Variants in CCDC93 observed in about 807,000 individuals in gnomAD.
CCDC93 encodes the protein CCC complex scaffolding subunit CCDC93, also known as coiled-coil domain-containing protein 93.
A neutral mutation model predicts 108.2 loss-of-function variants in CCDC93; 61 were observed. That is an observed-to-expected ratio of 0.56 (90% CI 0.46 to 0.70). CCDC93 has a LOEUF of 0.70. Ranked by LOEUF, CCDC93 falls within the 30% of genes least tolerant of loss-of-function variation. CCDC93 has a pLI of 0.00. For missense variants in CCDC93, 685 were observed against 764.2 expected, an observed-to-expected ratio of 0.90 and a Z score of 1.22; for synonymous variants, 276 against 260.4, an observed-to-expected ratio of 1.06 and a Z score of -0.58.
chr2:117,946,993 G>A, intron 15 of CCDC93, 111 bp from the exon 16 acceptor site: 1 of 843,042 alleles, frequency 1.2e-6, no homozygotes, highest in Non-Finnish European at 2.0e-6. Context: ...GTTTATTCTG[G>A]GACGAAAAGC....
intron 14 of CCDC93, among the ~76,000 whole-genome samples, chr2:117,949,051 T>C (rs2104741034): frequency 6.6e-6 from 1 of 152,316 alleles, no homozygotes; most frequent in East Asian, 1.9e-4. Context: ...TATGAAGGTA[T>C]GACCATTTTG....
chr2:117,995,250 A>T, intron 6 of CCDC93, 196 bp downstream of exon 6: 1 of 586,306 alleles, frequency 1.7e-6, no homozygotes, highest in Non-Finnish European at 3.1e-6. Context: ...GTAGTGTGGC[A>T]GGTTCTCCCT....
intron 5 of CCDC93, 148 bp downstream of exon 5, chr2:117,996,116 C>T: frequency 1.9e-6 from 1 of 516,328 alleles, no homozygotes; most frequent in Non-Finnish European, 3.4e-6. Context: ...GAGCTTTGCA[C>T]TCAGTGGCTA....
At chr2:118,012,617 G>A (rs939441683) in intron 1 of CCDC93, 3 of 152,164 alleles carry the variant, frequency 2.0e-5, no homozygotes, top group Non-Finnish European at 4.4e-5. Context: ...CTAGAATACA[G>A]AAGTGGCAAA....
At chr2:117,986,918 T>C (rs1680337851) in intron 6 of CCDC93, among the ~76,000 whole-genome samples, 1 of 152,118 alleles carries the variant, frequency 6.6e-6, no homozygotes, top group Non-Finnish European at 1.5e-5. Context: ...TGTCAGTTAC[T>C]GTGCCTGGTT....
At chr2:117,957,776 T>C (rs1318881166) in intron 12 of CCDC93, among the ~76,000 whole-genome samples, 1 of 152,200 alleles carries the variant, frequency 6.6e-6, no homozygotes, top group African/African-American at 2.4e-5. Flanking sequence ...ACAGACTTCC[T>C]GCCTGGAAAT....
intron 13 of CCDC93, chr2:117,951,010 T>C (rs1293285079): frequency 1.0e-6 from 1 of 985,016 alleles, no homozygotes; most frequent in African/African-American, 1.7e-5. Flanking sequence ...ACCCTCCACC[T>C]TTCTATAACA....
At chr2:117,992,407 C>T (rs1331903055) in intron 6 of CCDC93, among the ~76,000 whole-genome samples, 2 of 152,054 alleles carry the variant, frequency 1.3e-5, no homozygotes, top group Admixed American at 6.6e-5. Context: ...CCATGCCTAG[C>T]TAATTATAGT....
chr2:118,000,333 A>G (rs1252731749), intron 4 of CCDC93: 1 of 152,798 alleles, frequency 6.5e-6, no homozygotes, highest in African/African-American at 2.4e-5. Flanking sequence ...TGAGATCTGA[A>G]GGGTTGAAGT....
intron 6 of CCDC93, among the ~76,000 whole-genome samples, chr2:117,990,886 A>G (rs1052438626): frequency 6.6e-6 from 1 of 152,108 alleles, no homozygotes; most frequent in African/African-American, 2.4e-5. Flanking sequence ...TGCTTGCAGT[A>G]TCAGTGGTTA....
At position 117,948,073 on chromosome 2, in the gene CCDC93, T is replaced by C. The variant is rs529445238; in HGVS notation, c.1224+32A>G. 7.2e-6 allele frequency: 11 copies of C among 1,526,112 alleles called. 1 individual carries two copies. In the South Asian group the frequency reaches 7.9e-5, roughly 11 times the overall value. The allele number at this position is 1,526,112 out of a possible 1,614,324, so 94.5% of individuals were successfully genotyped here. Reference sequence around the variant, plus strand: ...AAACCAAGAGATTCAATAAGCGTCCTGGTTTATTTGCTGACACCAAACAAC... The same window carrying C: ...AAACCAAGAGATTCAATAAGCGTCCCGGTTTATTTGCTGACACCAAACAAC... On this transcript the variant is annotated intron_variant, in intron 15 of 23. Transcript: ENST00000376300.
At chr2:118,013,827 G>T in intron 1 of CCDC93, 127 bp downstream of exon 1, 1 of 808,964 alleles carries the variant, frequency 1.2e-6, no homozygotes, top group Non-Finnish European at 1.9e-6. Context: ...CTTCCCTGAG[G>T]TGGATACGCC....
At position 117,986,025 on chromosome 2, in the gene CCDC93, T is replaced by C; in HGVS notation, c.564A>G (p.Ala188=). ...GAGATTCTTCATCAAGTAGCTCCTC[T>C]GCTCCCTGGTGGCGTTTGTATTTCC... The part of the protein sequence containing the change: ...PRRKYKRHQG[A]EELLDEESRI... Residue 188 remains alanine, a synonymous_variant, in exon 7 of 24, where the codon GCA becomes GCG. Transcript: ENST00000376300. 1 of 1,613,868 alleles carries C rather than the reference T, an allele frequency of 6.2e-7. No homozygotes were observed. The highest frequency in any genetic ancestry group is 1.7e-5 in the Admixed American group (1 of 60,008).
chr2:117,925,525 A>AG (rs1185689929), intron 23 of CCDC93, among the ~76,000 whole-genome samples: 1 of 152,242 alleles, frequency 6.6e-6, no homozygotes, highest in Non-Finnish European at 1.5e-5. Context: ...GACACAAAGA[A>AG]GGCTATTACA....
chr2:117,966,997 T>TGCCTTTTTC (rs1679602953), intron 11 of CCDC93, among the ~76,000 whole-genome samples: 1 of 152,180 alleles, frequency 6.6e-6, no homozygotes, highest in African/African-American at 2.4e-5. Context: ...TACCTCCCAC[T>TGCCTTTTTC]GCCTTTTTTT....
chr2:118,012,264 ACT>A (rs1275450981), intron 1 of CCDC93, among the ~76,000 whole-genome samples: 3 of 130,818 alleles, frequency 2.3e-5, no homozygotes, highest in African/African-American at 6.1e-5. Flanking sequence ...ACAGAGTGAG[ACT>A]CTGTCTCAAA....
chr2:117,928,281 A>G (rs1448702430), intron 23 of CCDC93, among the ~76,000 whole-genome samples: 2 of 152,226 alleles, frequency 1.3e-5, no homozygotes, highest in East Asian at 3.8e-4. Context: ...TAAACTAAAG[A>G]GCTTCTGCAC....
At chr2:117,958,215 T>C (rs1181132520) in intron 12 of CCDC93, 150 bp downstream of exon 12, 3 of 589,634 alleles carry the variant, frequency 5.1e-6, no homozygotes, top group East Asian at 5.6e-5. Context: ...AACAAATGGA[T>C]GTGTTATGTT....
chr2:117,972,667 G>C (rs1461515987), intron 11 of CCDC93, among the ~76,000 whole-genome samples: 1 of 152,046 alleles, frequency 6.6e-6, no homozygotes, highest in Non-Finnish European at 1.5e-5. Flanking sequence ...ATAAGGGCGG[G>C]TATAAACTCA....
Sources: gnomAD v4.1 joint callset for allele counts (sites outside exome capture counted in the v4.1 genomes callset) on GRCh38, gnomAD v4.1.1 for gene constraint, MANE v1.5 for transcripts, NCBI Gene and HGNC (gene_info 2026-07-23, HGNC 2026-07-21) for gene names.